Variants in SETX observed in about 807,000 individuals in gnomAD.
SETX encodes the protein senataxin.
In SETX, 90 loss-of-function variants were observed where a neutral mutation model predicts 227.2. The observed-to-expected ratio is 0.40, with a 90% CI of 0.33 to 0.47. The LOEUF (loss-of-function observed/expected upper bound fraction) is 0.47, where lower values mean the gene tolerates loss of function less well. Ranked by LOEUF, SETX falls within the 20% of genes least tolerant of loss-of-function variation. The probability of loss-of-function intolerance (pLI) is 0.91; values close to 1 mark genes in which losing one functional copy is unlikely to be tolerated. For missense variants in SETX, 3,052 were observed against 3,181.5 expected (o/e 0.96, Z 0.98); for synonymous variants, 1,210 against 1,113.2 (o/e 1.09, Z -1.73).
intron 6 of SETX, among the ~76,000 whole-genome samples, chr9:132,335,876 G>A (rs928839566): frequency 6.6e-6 from 1 of 152,132 alleles, no homozygotes; most frequent in Non-Finnish European, 1.5e-5. Context: ...TAAGAACTGA[G>A]AACTATAAAA....
rs201441886 is a variant in SETX at position 132,330,224 on chromosome 9, A to C, written c.1374T>G (p.Phe458Leu). 70 of 1,569,642 alleles carry C rather than the reference A, an allele frequency of 4.5e-5. No homozygotes were observed. Among genetic ancestry groups the C allele is most frequent in the Non-Finnish European group, 5.5e-5 (64 of 1,158,354 alleles). Residue 458 changes from phenylalanine to leucine, a missense_variant, in exon 10 of 26, where the codon TTT becomes TTG. Around this residue, in one of 10 missense-constraint regions of SETX, gnomAD observed 179 missense variants for 197.1 expected, o/e 0.91. Transcript: ENST00000224140. ...CAATCACTGATACCAAAATTAGAAG[A>C]AAAAATTCAGTGACTTTGTCACACA... ...DAVCDKVTEF[F>L]LLILVSVIEL...
In SETX at chr9:132,329,053, GAAC is replaced by G; in HGVS notation, c.2542_2544del (p.Val848del). On this transcript the variant is annotated inframe_deletion, in exon 10 of 26. Transcript: ENST00000224140. ...TTTTGTTCTCCATTCTTATCATCCA[GAAC>G]ACCACTAGGGTCTAAAGAAAGATTG... 1.9e-6 allele frequency: 3 copies of G among 1,609,212 alleles called. No individual in the cohort carries two copies. The highest frequency in any genetic ancestry group is 1.1e-5 in the South Asian group (1 of 90,810).
intron 10 of SETX, among the ~76,000 whole-genome samples, chr9:132,316,203 T>C (rs1321539603): frequency 1.3e-5 from 2 of 152,322 alleles, no homozygotes; most frequent in Non-Finnish European, 2.9e-5. Flanking sequence ...TGCTCACCTG[T>C]TATTTTAACT....
intron 10 of SETX, among the ~76,000 whole-genome samples, chr9:132,312,984 C>T (rs750308844): frequency 2.0e-5 from 3 of 152,128 alleles, no homozygotes; most frequent in Non-Finnish European, 2.9e-5. Flanking sequence ...GAGCCAGATT[C>T]AAGAGACCAC....
At chr9:132,335,172 C>A (rs536604360) in intron 6 of SETX, among the ~76,000 whole-genome samples, 1 of 151,816 alleles carries the variant, frequency 6.6e-6, no homozygotes. Context: ...GGGCAGATCA[C>A]AAAGTCAGGA....
chr9:132,312,525 ATTAAG>A (rs1459167030), intron 10 of SETX, among the ~76,000 whole-genome samples: 1 of 152,252 alleles, frequency 6.6e-6, no homozygotes, highest in Non-Finnish European at 1.5e-5. Context: ...ACAGTTAGTC[ATTAAG>A]TATTTAAATC....
At chr9:132,345,432 C>A (rs915229475) in intron 4 of SETX, among the ~76,000 whole-genome samples, 1 of 152,144 alleles carries the variant, frequency 6.6e-6, no homozygotes, top group Admixed American at 6.5e-5. Flanking sequence ...TGCCACCACA[C>A]CTGGCTAATT....
chr9:132,309,597 G>A (rs1564517548), intron 11 of SETX, among the ~76,000 whole-genome samples: 1 of 152,030 alleles, frequency 6.6e-6, no homozygotes. Flanking sequence ...CAGCACTTCA[G>A]AAGGCTGATG....
chr9:132,325,191 C>A (rs1846641425), intron 10 of SETX, among the ~76,000 whole-genome samples: 1 of 152,132 alleles, frequency 6.6e-6, no homozygotes, highest in African/African-American at 2.4e-5. Flanking sequence ...CCCATCTCTA[C>A]TAAAAATACA....
intron 7 of SETX, among the ~76,000 whole-genome samples, chr9:132,334,257 C>G (rs1847449270): frequency 1.3e-5 from 2 of 152,296 alleles, no homozygotes; most frequent in Middle Eastern, 3.4e-3. Context: ...ACCAGCCTGA[C>G]CAACGTGGTG....
Position 132,264,510 on chromosome 9 carries a change from T to C in SETX, c.7763A>G (p.Gln2588Arg). The change falls in exon 26 of 26, where the codon CAG becomes CGG. Residue 2588 changes from glutamine to arginine, a missense_variant. Gln to Arg is a conservative substitution (Grantham distance 43, BLOSUM62 1). Around this residue, in one of 10 missense-constraint regions of SETX, gnomAD observed 294 missense variants for 278.8 expected, o/e 1.05. Coordinates refer to ENST00000224140, the MANE Select transcript of SETX (RefSeq NM_015046.7). ...AGCAGCCACTACAGCAGCGGGCTGC[T>C]GTATATGGCTCAGGTCCTGGTGAAC... ...PVVHQDLSHIQQPAAVVAALS... is the reference protein window; with the variant it reads ...PVVHQDLSHIRQPAAVVAALS... The C allele has an allele frequency of 6.2e-7, 1 of 1,613,930 alleles. No individual in the cohort carries two copies. The highest frequency in any genetic ancestry group is 8.5e-7 in the Non-Finnish European group (1 of 1,179,936).
chr9:132,344,495 C>T (rs942190947), intron 4 of SETX, among the ~76,000 whole-genome samples: 8 of 152,114 alleles, frequency 5.3e-5, no homozygotes, highest in African/African-American at 1.7e-4. Context: ...AATGTGTGGT[C>T]CCTGACTAGA....
At position 132,264,815 on chromosome 9, in the gene SETX, G is replaced by C. The variant is rs2131114205; in HGVS notation, c.7458C>G (p.Pro2486=). ...PPTIAPEGSR[P]QGGLPSSKLD... ...GCTTGCTGCTGGGCAAACCACCCTG[G>C]GGTCTGGACCCCTCTGGGGCTATGG... The change falls in exon 26 of 26, where the codon CCC becomes CCG. Residue 2486 remains proline (P), a synonymous_variant. Coordinates refer to ENST00000224140, the MANE Select transcript of SETX (RefSeq NM_015046.7). The C allele has an allele frequency of 6.2e-7, 1 of 1,614,190 alleles. No individual in the cohort carries two copies. Among genetic ancestry groups the C allele is most frequent in the Non-Finnish European group, 8.5e-7 (1 of 1,180,032 alleles).
chr9:132,299,565 T>C (rs1844865153), intron 12 of SETX, among the ~76,000 whole-genome samples: 1 of 152,164 alleles, frequency 6.6e-6, no homozygotes. Context: ...GCTATATTAA[T>C]ATATCATGCA....
chr9:132,285,630 C>T (rs1843813718), intron 18 of SETX, among the ~76,000 whole-genome samples: 1 of 152,098 alleles, frequency 6.6e-6, no homozygotes, highest in Admixed American at 6.5e-5. Context: ...GCCTGTAATC[C>T]CAGCACTTAG....
At position 132,329,886 on chromosome 9, in the gene SETX, G is replaced by T; in HGVS notation, c.1712C>A (p.Ser571Tyr). The T allele has an allele frequency of 6.2e-7, 1 of 1,614,114 alleles. No homozygotes were observed. The highest frequency in any genetic ancestry group is 8.5e-7 in the Non-Finnish European group (1 of 1,180,018). The change falls in exon 10 of 26, where the codon TCT becomes TAT. Residue 571 changes from serine (S) to tyrosine (Y), a missense_variant. By Grantham distance (144) the Ser-to-Tyr change is moderately radical. Coordinates refer to ENST00000224140, the MANE Select transcript of SETX (RefSeq NM_015046.7). Reference protein sequence around the residue: ...KLNLFLRGNLSLGWQLTSQET... With the variant: ...KLNLFLRGNLYLGWQLTSQET... ...CTGACTAGTCAACTGCCAACCTAGA[G>T]ATAAATTTCCTCTAAGGAATAAGTT...
At chr9:132,274,469 C>CGAG (rs1259586184) in intron 23 of SETX, among the ~76,000 whole-genome samples, 1 of 145,376 alleles carries the variant, frequency 6.9e-6, no homozygotes, top group Non-Finnish European at 1.5e-5. Context: ...GATGGAGTCT[C>CGAG]GCTCTGTCAC....
chr9:132,305,514 G>A (rs1845283832), intron 11 of SETX, among the ~76,000 whole-genome samples: 1 of 151,926 alleles, frequency 6.6e-6, no homozygotes. Context: ...CCTTAACAAA[G>A]CGATGCAAGT....
At chr9:132,271,633 A>T in intron 24 of SETX, 77 bp downstream of exon 24, 1 of 1,169,608 alleles carries the variant, frequency 8.5e-7, no homozygotes, top group South Asian at 1.2e-5. Context: ...TCTAACAGTG[A>T]TAATGAACCT....
Sources: gnomAD v4.1 joint callset for allele counts (sites outside exome capture counted in the v4.1 genomes callset) on GRCh38, gnomAD v4.1.1 for gene constraint, gnomAD v4.1.1 regional missense constraint, MANE v1.5 for transcripts, NCBI Gene and HGNC (gene_info 2026-07-23, HGNC 2026-07-21) for gene names.